Variants in REC114 observed in about 807,000 individuals in gnomAD.
REC114 encodes the protein meiotic recombination protein REC114.
In REC114, 27 loss-of-function variants were observed where a neutral mutation model predicts 31.3. The observed-to-expected ratio is 0.86, with a 90% confidence interval of 0.64 to 1.19. The LOEUF is 1.19. Among genes scored for constraint, REC114 ranks in the 50% most tolerant of loss-of-function variants. REC114 has a pLI of 0.00. For missense variants in REC114, 344 were observed against 326.9 expected (o/e 1.05, Z -0.40); for synonymous variants, 134 against 127.7 (o/e 1.05, Z -0.33).
At chr15:73,494,034 C>G (rs950435547) in intron 2 of REC114, among the ~76,000 whole-genome samples, 1 of 152,184 alleles carries the variant, frequency 6.6e-6, no homozygotes, top group Non-Finnish European at 1.5e-5. Flanking sequence ...TTCTCTTTCT[C>G]TCTGAGTCAC....
intron 1 of REC114, among the ~76,000 whole-genome samples, chr15:73,447,672 T>C (rs1892786675): frequency 6.6e-6 from 1 of 151,152 alleles, no homozygotes; most frequent in African/African-American, 2.4e-5. Flanking sequence ...AATAAATAAA[T>C]AAATAAATAA....
chr15:73,536,412 C>CTG (rs911396369), intron 2 of REC114, among the ~76,000 whole-genome samples: 1 of 152,194 alleles, frequency 6.6e-6, no homozygotes. Context: ...TGGACAGATT[C>CTG]TGTGTCTTAT....
chr15:73,537,492 CCCT>C (rs1894172501), intron 2 of REC114, among the ~76,000 whole-genome samples: 1 of 146,986 alleles, frequency 6.8e-6, no homozygotes, highest in African/African-American at 2.7e-5. Context: ...GGGTATCCCC[CCCT>C]GAATCAACTC....
intron 2 of REC114, among the ~76,000 whole-genome samples, chr15:73,507,432 T>C (rs1465642156): frequency 2.0e-5 from 3 of 152,134 alleles, no homozygotes; most frequent in Admixed American, 2.0e-4. Flanking sequence ...ACAATTCTTC[T>C]TCCAAGGTGG....
intron 2 of REC114, among the ~76,000 whole-genome samples, chr15:73,475,008 GA>G (rs1403021900): frequency 1.3e-5 from 2 of 152,164 alleles, no homozygotes; most frequent in African/African-American, 4.8e-5. Context: ...TCAGTTGCAA[GA>G]GATAAAGGTT....
rs200733482 is a variant in REC114, at chr15:73,513,299, C to T, written c.250-27186C>T. Among the ~76,000 whole-genome samples, 298 of 152,030 alleles carry T rather than the reference C, an allele frequency of 2.0e-3. 10 individuals carry two copies. The East Asian group carries it at 0.055, about 28-fold the overall frequency. On this transcript the variant is annotated intron_variant, in intron 2 of 5. Coordinates refer to ENST00000331090, the MANE Select transcript of REC114 (RefSeq NM_001042367.2). Reference sequence around the variant, plus strand: ...GAGCCTTGGTTTTCAGCTCCATCAGCTCCTTTAAGCACTTCTCTGTATTGG... The same window carrying T: ...GAGCCTTGGTTTTCAGCTCCATCAGTTCCTTTAAGCACTTCTCTGTATTGG...
At chr15:73,555,671 C>T (rs1894456624) in intron 4 of REC114, among the ~76,000 whole-genome samples, 1 of 152,084 alleles carries the variant, frequency 6.6e-6, no homozygotes, top group South Asian at 2.1e-4. Context: ...CTTTGTCGCT[C>T]CTATCCCCGT....
At chr15:73,548,869 A>AT (rs1170153724) in intron 3 of REC114, among the ~76,000 whole-genome samples, 2 of 152,276 alleles carry the variant, frequency 1.3e-5, no homozygotes, top group African/African-American at 4.8e-5. Flanking sequence ...AACATGAAAT[A>AT]TTTTTTGTAG....
chr15:73,538,398 T>A (rs967119846), intron 2 of REC114, among the ~76,000 whole-genome samples: 1 of 152,070 alleles, frequency 6.6e-6, no homozygotes, highest in Non-Finnish European at 1.5e-5. Context: ...CAATTTATCT[T>A]TTTTTAAAAG....
intron 4 of REC114, among the ~76,000 whole-genome samples, chr15:73,554,702 CCAGCTACTGTGTGCA>C (rs1894438762): frequency 6.6e-6 from 1 of 152,186 alleles, no homozygotes; most frequent in African/African-American, 2.4e-5. Flanking sequence ...CTAGGGGACT[CCAGCTACTGTGTGCA>C]CAGACTCTTC....
chr15:73,458,507 A>T (rs867637858), intron 1 of REC114, among the ~76,000 whole-genome samples: 63 of 152,202 alleles, frequency 4.1e-4, no homozygotes, highest in African/African-American at 1.5e-3. Flanking sequence ...TTGTATTAGG[A>T]TTAAGATAGG....
At chr15:73,444,836 T>A (rs890721285) in intron 1 of REC114, among the ~76,000 whole-genome samples, 2 of 152,228 alleles carry the variant, frequency 1.3e-5, no homozygotes, top group Non-Finnish European at 2.9e-5. Flanking sequence ...ATAATAAGAC[T>A]TGAAAGCAGA....
At chr15:73,504,363 TTTG>T (rs1893645966) in intron 2 of REC114, among the ~76,000 whole-genome samples, 5 of 152,188 alleles carry the variant, frequency 3.3e-5, no homozygotes, top group African/African-American at 1.2e-4. Flanking sequence ...AATTTATCTT[TTTG>T]TATAGGAATT....
intron 2 of REC114, among the ~76,000 whole-genome samples, chr15:73,496,822 C>A (rs1893535191): frequency 6.6e-6 from 1 of 152,066 alleles, no homozygotes; most frequent in South Asian, 2.1e-4. Context: ...TTGAAGTTGT[C>A]ATACTGTGTT....
chr15:73,480,597 C>T (rs1042523423), intron 2 of REC114, among the ~76,000 whole-genome samples: 1 of 151,472 alleles, frequency 6.6e-6, no homozygotes, highest in Non-Finnish European at 1.5e-5. Flanking sequence ...TGGATTATAA[C>T]GCATTTATAA....
At chr15:73,538,571 C>T (rs1050932562) in intron 2 of REC114, among the ~76,000 whole-genome samples, 30 of 151,422 alleles carry the variant, frequency 2.0e-4, no homozygotes, top group Non-Finnish European at 3.5e-4. Flanking sequence ...TTTCTCCTAC[C>T]TCAGCCTCCT....
intron 1 of REC114, among the ~76,000 whole-genome samples, chr15:73,447,425 C>T (rs1464246931): frequency 1.3e-5 from 2 of 152,038 alleles, no homozygotes; most frequent in African/African-American, 4.8e-5. Context: ...GATAAGAGGC[C>T]TGGCACAGTG....
At chr15:73,548,417 CT>C (rs890658990) in intron 3 of REC114, among the ~76,000 whole-genome samples, 1 of 152,108 alleles carries the variant, frequency 6.6e-6, no homozygotes, top group African/African-American at 2.4e-5. Context: ...TGAATAGACA[CT>C]TTTTAAAAGT....
intron 2 of REC114, among the ~76,000 whole-genome samples, chr15:73,506,982 A>G (rs1366453610): frequency 1.3e-5 from 2 of 152,202 alleles, no homozygotes; most frequent in African/African-American, 2.4e-5. Flanking sequence ...TAAGATAGAA[A>G]TGCTCAGAAT....
Sources: allele counts gnomAD v4.1 joint callset (sites outside exome capture counted in the v4.1 genomes callset), GRCh38; gene constraint gnomAD v4.1.1; transcripts MANE v1.5; gene names NCBI Gene and HGNC (gene_info 2026-07-23, HGNC 2026-07-21).